CTNNA2: variants seen among roughly 807,000 people sequenced by gnomAD.
The protein encoded by CTNNA2 is catenin alpha-2.
Under a neutral mutation model 101.0 loss-of-function variants are expected in CTNNA2, and 42 were observed. That is an observed-to-expected ratio of 0.42 (90% confidence interval 0.32 to 0.54). The LOEUF (loss-of-function observed/expected upper bound fraction) is 0.54. Among genes scored for constraint, CTNNA2 ranks in the 20% least tolerant of loss-of-function variants. CTNNA2 has a pLI of 0.14. For missense variants in CTNNA2, 871 were observed against 1,223.1 expected (o/e 0.71, Z 4.29); for synonymous variants, 450 against 456.4 (o/e 0.99, Z 0.18).
chr2:79,347,527 T>C (rs1677288210), intron 3 of CTNNA2, among the ~76,000 whole-genome samples: 2 of 152,224 alleles, frequency 1.3e-5, no homozygotes, highest in Admixed American at 6.5e-5. Flanking sequence ...TATGTCATTA[T>C]AGTTTTTTTC....
chr2:79,448,467 A>G (rs1678856475), intron 4 of CTNNA2, among the ~76,000 whole-genome samples: 1 of 152,034 alleles, frequency 6.6e-6, no homozygotes, highest in African/African-American at 2.4e-5. Context: ...GAATTTTTAT[A>G]TTTTTAAAAA....
chr2:79,189,975 G>A (rs1673831484), intron 1 of CTNNA2, among the ~76,000 whole-genome samples: 1 of 152,006 alleles, frequency 6.6e-6, no homozygotes, highest in African/African-American at 2.4e-5. Context: ...CAAGCTGAGG[G>A]GAAAATTAAG....
chr2:80,203,517 A>G (rs1447923717), intron 7 of CTNNA2, among the ~76,000 whole-genome samples: 1 of 152,178 alleles, frequency 6.6e-6, no homozygotes, highest in Non-Finnish European at 1.5e-5. Context: ...CTCTAAAATG[A>G]TCTCTTTTGA....
At chr2:79,818,849 G>GATAGATA (rs1558549300) in intron 3 of CTNNA2, among the ~76,000 whole-genome samples, 6 of 86,372 alleles carry the variant, frequency 6.9e-5, no homozygotes, top group African/African-American at 3.2e-4. Flanking sequence ...ATATATATAT[G>GATAGATA]GATGTATGTG....
At chr2:80,427,992 G>A (rs919770531) in intron 9 of CTNNA2, among the ~76,000 whole-genome samples, 9 of 152,228 alleles carry the variant, frequency 5.9e-5, no homozygotes, top group Admixed American at 5.9e-4. Context: ...ATTAAACAGA[G>A]TAGGATGATA....
rs373518012 is a variant in CTNNA2 at position 79,580,455 on chromosome 2, C to G, written c.-6+67248C>G. Among the ~76,000 whole-genome samples the G allele has an allele frequency of 3.9e-5, 6 of 152,248 alleles. No individual in the cohort carries two copies. In the East Asian group the frequency reaches 9.7e-4, roughly 25 times the overall value. ...ACAACTTCAAGGAACTGAATTCAGC[C>G]AACAACTCCAATGAGCAAGGAAATG... On this transcript the variant is annotated intron_variant, in intron 1 of 18. Coordinates refer to ENST00000402739, the MANE Select transcript of CTNNA2 (RefSeq NM_001282597.3).
chr2:80,482,450 G>A (rs751074353), intron 9 of CTNNA2, among the ~76,000 whole-genome samples: 2 of 152,080 alleles, frequency 1.3e-5, no homozygotes, highest in East Asian at 1.9e-4. Flanking sequence ...GTTATGAGAC[G>A]GACAGTCTGT....
intron 1 of CTNNA2, among the ~76,000 whole-genome samples, chr2:79,622,911 A>G (rs1679085670): frequency 6.6e-6 from 1 of 152,166 alleles, no homozygotes; most frequent in African/African-American, 2.4e-5. Context: ...AAGGAAACTA[A>G]TTTTTAAGGA....
intron 2 of CTNNA2, among the ~76,000 whole-genome samples, chr2:79,735,949 G>A (rs1314058784): frequency 2.6e-5 from 4 of 152,028 alleles, no homozygotes; most frequent in African/African-American, 9.7e-5. Context: ...TTGAAACTGT[G>A]GAAGCATCAG....
intron 1 of CTNNA2, among the ~76,000 whole-genome samples, chr2:79,576,089 T>C (rs780530083): frequency 6.6e-6 from 1 of 152,204 alleles, no homozygotes; most frequent in South Asian, 2.1e-4. Flanking sequence ...TGAATGACTT[T>C]GGACTTTTTT....
chr2:79,396,168 C>A (rs756020291), intron 4 of CTNNA2, among the ~76,000 whole-genome samples: 16 of 151,870 alleles, frequency 1.1e-4, no homozygotes, highest in Middle Eastern at 3.4e-3. Context: ...TTGAATTTTT[C>A]TTTTTCTTTT....
chr2:80,540,697 AT>A (rs1691479363), intron 9 of CTNNA2, among the ~76,000 whole-genome samples: 2 of 151,434 alleles, frequency 1.3e-5, no homozygotes, highest in African/African-American at 2.4e-5. Context: ...AAGCTATATT[AT>A]TTTTTTCTTT....
intron 7 of CTNNA2, among the ~76,000 whole-genome samples, chr2:79,948,885 G>A (rs1456625523): frequency 6.6e-6 from 1 of 152,036 alleles, no homozygotes; most frequent in Non-Finnish European, 1.5e-5. Context: ...GGAGAATGGC[G>A]TGAACCCGGG....
At chr2:79,448,958 G>A (rs1678860858) in intron 4 of CTNNA2, among the ~76,000 whole-genome samples, 1 of 151,954 alleles carries the variant, frequency 6.6e-6, no homozygotes, top group Non-Finnish European at 1.5e-5. Context: ...TAAGGGAAGG[G>A]AATCAGAAAA....
At chr2:80,626,768 G>A (rs1671727306) in intron 18 of CTNNA2, among the ~76,000 whole-genome samples, 2 of 151,996 alleles carry the variant, frequency 1.3e-5, no homozygotes, top group Admixed American at 1.3e-4. Context: ...AGAACGTACA[G>A]GTTTGTTACA....
At chr2:79,615,686 A>G (rs1304153036) in intron 1 of CTNNA2, among the ~76,000 whole-genome samples, 2 of 152,104 alleles carry the variant, frequency 1.3e-5, no homozygotes, top group East Asian at 1.9e-4. Flanking sequence ...TGTTTTTCCC[A>G]CTATACACAT....
At chr2:79,640,568 A>T (rs929540792) in intron 1 of CTNNA2, among the ~76,000 whole-genome samples, 1 of 152,342 alleles carries the variant, frequency 6.6e-6, no homozygotes, top group East Asian at 1.9e-4. Context: ...CCAAGATGTC[A>T]TGTGTTTTCA....
chr2:79,739,720 G>C (rs1671151414), intron 2 of CTNNA2, among the ~76,000 whole-genome samples: 6 of 152,190 alleles, frequency 3.9e-5, no homozygotes, highest in Admixed American at 3.9e-4. Flanking sequence ...GTGTCAGTCT[G>C]GATATCAAAC....
chr2:79,297,003 C>T (rs1272941547), intron 2 of CTNNA2, among the ~76,000 whole-genome samples: 1 of 152,102 alleles, frequency 6.6e-6, no homozygotes, highest in Non-Finnish European at 1.5e-5. Flanking sequence ...TAGAATACCT[C>T]CTTTATTTCA....
Sources: gnomAD v4.1 joint callset for allele counts (sites outside exome capture counted in the v4.1 genomes callset) on GRCh38, gnomAD v4.1.1 for gene constraint, MANE v1.5 for transcripts, NCBI Gene and HGNC (gene_info 2026-07-23, HGNC 2026-07-21) for gene names.